Variants in KCNIP4 observed in about 807,000 individuals in gnomAD.
KCNIP4 encodes the protein Kv channel-interacting protein 4.
Under a neutral mutation model 34.0 loss-of-function variants are expected in KCNIP4, and 12 were observed. That is an observed-to-expected ratio of 0.35 (90% CI 0.23 to 0.57). KCNIP4 has a LOEUF of 0.57. Ranked by LOEUF, KCNIP4 falls within the 20% of genes least tolerant of loss-of-function variation. The probability of loss-of-function intolerance (pLI) is 0.83; values close to 1 mark genes in which losing one functional copy is unlikely to be tolerated. For missense variants in KCNIP4, 238 were observed against 311.7 expected (o/e 0.76, Z 1.78); for synonymous variants, 124 against 102.2 (o/e 1.21, Z -1.29).
At chr4:20,879,639 C>T (rs1188490985) in intron 2 of KCNIP4, among the ~76,000 whole-genome samples, 1 of 152,112 alleles carries the variant, frequency 6.6e-6, no homozygotes. Flanking sequence ...GTTTGAGGCA[C>T]AAACACCAGA....
At chr4:21,174,224 A>G (rs890090198) in intron 1 of KCNIP4, among the ~76,000 whole-genome samples, 1 of 152,180 alleles carries the variant, frequency 6.6e-6, no homozygotes, top group Non-Finnish European at 1.5e-5. Flanking sequence ...TTTTCCGGAA[A>G]AGGTGACCAT....
chr4:21,544,249 TTCTCTC>T (rs3049991), intron 1 of KCNIP4: 34,682 of 149,184 alleles, frequency 0.23, 4,626 homozygotes, highest in Middle Eastern at 0.39. Flanking sequence ...CTCTGTCTCT[TTCTCTC>T]TCTCTCTCTC....
intron 1 of KCNIP4, among the ~76,000 whole-genome samples, chr4:21,223,712 CTTTAA>C (rs766934049): frequency 6.6e-6 from 1 of 152,156 alleles, no homozygotes; most frequent in Non-Finnish European, 1.5e-5. Flanking sequence ...CTTTCTAATT[CTTTAA>C]TTTACCAATG....
intron 1 of KCNIP4, among the ~76,000 whole-genome samples, chr4:21,404,400 T>C (rs1723800906): frequency 6.6e-6 from 1 of 152,182 alleles, no homozygotes. Flanking sequence ...GCTTAGTAAA[T>C]ATCTATGGTT....
chr4:21,800,719 G>A lies in KCNIP4; in HGVS notation c.61+147852C>T, dbSNP rs369342170. ...TAAAACAGGACCTACAGGAATTGAA[G>A]GAAAATCCAATACTACTTACATTAA... On this transcript the variant is annotated intron_variant, in intron 1 of 8. Transcript: ENST00000382152. 9.9e-5 allele frequency among the ~76,000 whole-genome samples: 15 copies of A among 152,170 alleles called. No homozygotes were observed. The South Asian group carries it at 2.7e-3, about 27-fold the overall frequency.
intron 1 of KCNIP4, among the ~76,000 whole-genome samples, chr4:21,060,724 C>T (rs1432672249): frequency 1.3e-5 from 2 of 152,156 alleles, no homozygotes; most frequent in Non-Finnish European, 2.9e-5. Flanking sequence ...TAGCTAAGTA[C>T]TCAGAGTCCT....
chr4:21,053,660 T>C (rs1743133775), intron 1 of KCNIP4, among the ~76,000 whole-genome samples: 1 of 152,132 alleles, frequency 6.6e-6, no homozygotes, highest in Non-Finnish European at 1.5e-5. Context: ...GAAGTGATAG[T>C]AAGGTTGCAG....
At chr4:21,015,306 AT>A (rs1425947238) in intron 1 of KCNIP4, among the ~76,000 whole-genome samples, 3 of 148,426 alleles carry the variant, frequency 2.0e-5, no homozygotes, top group African/African-American at 4.9e-5. Flanking sequence ...TATTATAAAA[AT>A]GGAGAGACAG....
chr4:20,836,973 G>A, intron 3 of KCNIP4, among the ~76,000 whole-genome samples: 1 of 151,890 alleles, frequency 6.6e-6, no homozygotes. Context: ...TCTATCAGGT[G>A]AGAACGATTC....
chr4:20,920,069 A>G (rs1485989017), intron 1 of KCNIP4, among the ~76,000 whole-genome samples: 1 of 152,242 alleles, frequency 6.6e-6, no homozygotes, highest in South Asian at 2.1e-4. Flanking sequence ...GTATTATTAC[A>G]CCATTCTTAA....
chr4:21,878,942 C>A (rs1228846133), intron 1 of KCNIP4, among the ~76,000 whole-genome samples: 2 of 152,142 alleles, frequency 1.3e-5, no homozygotes, highest in Non-Finnish European at 2.9e-5. Flanking sequence ...GCAATACTTT[C>A]ACTTACTTAT....
chr4:21,729,789 T>C (rs1715457441), intron 1 of KCNIP4: 1 of 152,226 alleles, frequency 6.6e-6, no homozygotes, highest in Admixed American at 6.5e-5. Flanking sequence ...AGTTTTCTAA[T>C]TTCATTTGAA....
intron 1 of KCNIP4, among the ~76,000 whole-genome samples, chr4:20,884,623 CA>C: frequency 6.6e-6 from 1 of 151,730 alleles, no homozygotes; most frequent in Non-Finnish European, 1.5e-5. Context: ...TATGCCATTT[CA>C]AACCTCCGTG....
chr4:21,813,972 G>C (rs2109275342), intron 1 of KCNIP4, among the ~76,000 whole-genome samples: 1 of 152,238 alleles, frequency 6.6e-6, no homozygotes, highest in East Asian at 1.9e-4. Context: ...AATGCATTGA[G>C]TGTCTCCTAT....
chr4:21,634,953 A>G (rs1157002166), intron 1 of KCNIP4, among the ~76,000 whole-genome samples: 1 of 152,200 alleles, frequency 6.6e-6, no homozygotes, highest in African/African-American at 2.4e-5. Flanking sequence ...AAATCTTCAG[A>G]ATACACCTTA....
At chr4:20,827,524 C>G (rs1717904873) in intron 3 of KCNIP4, among the ~76,000 whole-genome samples, 1 of 152,070 alleles carries the variant, frequency 6.6e-6, no homozygotes, top group Admixed American at 6.5e-5. Context: ...TTTTTCCAAA[C>G]ATGGTTACAG....
At chr4:21,612,564 A>G (rs1265347473) in intron 1 of KCNIP4, among the ~76,000 whole-genome samples, 4 of 152,240 alleles carry the variant, frequency 2.6e-5, no homozygotes, top group Non-Finnish European at 5.9e-5. Flanking sequence ...AAAGAGATGG[A>G]ATGCATTTGA....
intron 1 of KCNIP4, among the ~76,000 whole-genome samples, chr4:21,347,862 C>G (rs1329016011): frequency 1.3e-5 from 2 of 152,198 alleles, no homozygotes; most frequent in East Asian, 3.9e-4. Context: ...CCAAGCTATG[C>G]CATGAGAAAT....
intron 1 of KCNIP4, among the ~76,000 whole-genome samples, chr4:21,766,813 AGT>A (rs1278780234): frequency 6.6e-6 from 1 of 152,170 alleles, no homozygotes; most frequent in Non-Finnish European, 1.5e-5. Context: ...AGAGTCAGAA[AGT>A]GTGTGTTTTA....
Sources: allele counts gnomAD v4.1 joint callset (sites outside exome capture counted in the v4.1 genomes callset), GRCh38; gene constraint gnomAD v4.1.1; transcripts MANE v1.5; gene names NCBI Gene and HGNC (gene_info 2026-07-23, HGNC 2026-07-21).